OPTN: variants seen among roughly 807,000 people sequenced by gnomAD.
The protein encoded by OPTN is optineurin.
Under a neutral mutation model 70.4 loss-of-function variants are expected in OPTN, and 54 were observed. That is an observed-to-expected ratio of 0.77 (90% CI 0.62 to 0.96). The LOEUF is 0.96. OPTN is among the 40% of genes least tolerant of loss of function. OPTN has a pLI of 0.00. For missense variants in OPTN, 624 were observed against 673.2 expected (o/e 0.93, Z 0.81); for synonymous variants, 256 against 248.5 (o/e 1.03, Z -0.28).
At chr10:13,127,989 G>A (rs2131521171) in intron 12 of OPTN, 86 bp downstream of exon 12, 1 of 1,465,114 alleles carries the variant, frequency 6.8e-7, no homozygotes, top group Non-Finnish European at 9.5e-7. Context: ...TAGAATGTTT[G>A]TAATTTTCTA....
At chr10:13,114,755 TAATTGC>T (rs1197385704) in intron 5 of OPTN, among the ~76,000 whole-genome samples, 7 of 107,362 alleles carry the variant, frequency 6.5e-5, no homozygotes, top group African/African-American at 2.2e-4. Flanking sequence ...TACAATTATA[TAATTGC>T]ATATATAATT....
intron 12 of OPTN, among the ~76,000 whole-genome samples, chr10:13,130,030 C>T (rs748265650): frequency 6.6e-6 from 1 of 152,202 alleles, no homozygotes; most frequent in Non-Finnish European, 1.5e-5. Flanking sequence ...TTCCACTCTG[C>T]TGCAGTCATG....
intron 3 of OPTN, 115 bp downstream of exon 3, chr10:13,109,403 C>T (rs1832944475): frequency 9.4e-7 from 1 of 1,062,078 alleles, no homozygotes; most frequent in African/African-American, 1.6e-5. Flanking sequence ...TAGGTGGTAG[C>T]TGGTGGGGAA....
intron 1 of OPTN, among the ~76,000 whole-genome samples, chr10:13,103,160 A>AC (rs1005509117): frequency 6.6e-6 from 1 of 152,094 alleles, no homozygotes; most frequent in Non-Finnish European, 1.5e-5. Flanking sequence ...GGCTGCTTTT[A>AC]CCCCATTAGT....
In OPTN at chr10:13,109,190, G is replaced by T; in HGVS notation, c.68G>T (p.Gly23Val). The T allele has an allele frequency of 6.2e-7, 1 of 1,613,974 alleles. No homozygotes were observed. ...AGCCCCAGTGAAAGCACAGGAAATG[G>T]ACCCCCCCACCTGGCCCACCCAAAC... ...EDSPSESTGN[G>V]PPHLAHPNLD... Residue 23 changes from glycine (G) to valine (V), a missense_variant, in exon 3 of 15, where the codon GGA becomes GTA. By Grantham distance (109) the Gly-to-Val change is moderately radical. Coordinates refer to ENST00000378747, the MANE Select transcript of OPTN (RefSeq NM_001008212.2).
chr10:13,132,177 T>A lies in OPTN; in HGVS notation c.1512T>A (p.Asp504Glu). 4.3e-6 allele frequency: 7 copies of A among 1,613,134 alleles called. No homozygotes were observed. The highest frequency in any genetic ancestry group is 5.9e-6 in the Non-Finnish European group (7 of 1,179,304). The change falls in exon 13 of 15, where the codon GAT becomes GAA. Residue 504 changes from aspartate (D) to glutamate (E), a missense_variant. Physicochemically the swap from Asp to Glu is conservative, Grantham distance 45. Transcript: ENST00000378747. Reference sequence around the variant, plus strand: ...TGGCAGTTCTGCTGAAAGAGAATGATGCTTTCGAAGACGGAGGCAGGTAAG... The same window carrying A: ...TGGCAGTTCTGCTGAAAGAGAATGAAGCTTTCGAAGACGGAGGCAGGTAAG... The part of the protein sequence containing the change: ...LQLAVLLKEN[D>E]AFEDGGRQSL...
chr10:13,126,636 TG>T (rs1833472446), intron 11 of OPTN, among the ~76,000 whole-genome samples: 1 of 152,110 alleles, frequency 6.6e-6, no homozygotes, highest in Admixed American at 6.6e-5. Flanking sequence ...TGGGCTTCTA[TG>T]GGTAGGAAGG....
At chr10:13,108,996 G>A (rs1282964894) in intron 2 of OPTN, 116 bp from the exon 3 acceptor site, 2 of 917,240 alleles carry the variant, frequency 2.2e-6, no homozygotes, top group African/African-American at 1.6e-5. Context: ...TAACTGGAGA[G>A]AAAGTGGGCA....
At position 13,136,903 on chromosome 10, in the gene OPTN, T is replaced by C. The variant is rs1765875377; in HGVS notation, c.*37T>C. 3 of 1,613,476 alleles carry C rather than the reference T, an allele frequency of 1.9e-6. No individual in the cohort carries two copies. The highest frequency in any genetic ancestry group is 1.7e-5 in the Admixed American group (1 of 59,986). On this transcript the variant is annotated 3_prime_UTR_variant, in exon 15 of 15. Coordinates refer to ENST00000378747, the MANE Select transcript of OPTN (RefSeq NM_001008212.2). ...TCACCTCCCCAAAACTGTTGGTAAA[T>C]GTCAGATTTTTTCCTCCAAGAGTTG...
rs778424337 is a variant in OPTN at position 13,136,822 on chromosome 10, G to C, written c.1690G>C (p.Asp564His). The C allele has an allele frequency of 7.4e-6, 12 of 1,614,178 alleles. No homozygotes were observed. In the East Asian group the frequency reaches 1.6e-4, roughly 21 times the overall value. ...CCCCAAGTGTGGAGAGGTTCTGCCT[G>C]ACATAGACACGTTACAGATTCACGT... ...SCPKCGEVLP[D>H]IDTLQIHVMD... Residue 564 changes from aspartate to histidine, a missense_variant, in exon 15 of 15, where the codon GAC becomes CAC. Transcript: ENST00000378747.
rs182349537 is a variant in OPTN at position 13,117,964 on chromosome 10, T to C, written c.627-924T>C. Among the ~76,000 whole-genome samples the C allele has an allele frequency of 2.0e-3, 312 of 152,330 alleles. 1 individual carries two copies. The highest frequency in any genetic ancestry group is 7.2e-3 in the African/African-American group (299 of 41,580). On this transcript the variant is annotated intron_variant, in intron 6 of 14. Coordinates refer to ENST00000378747, the MANE Select transcript of OPTN (RefSeq NM_001008212.2). ...AACAATTCTTCACGTTTCCCCCAAA[T>C]TGCTTTTGTCATATTTAAAGACGTT... is the stretch of plus-strand genomic sequence containing the variant.
intron 1 of OPTN, among the ~76,000 whole-genome samples, chr10:13,101,277 A>G (rs542478850): frequency 6.6e-6 from 1 of 152,316 alleles, no homozygotes; most frequent in African/African-American, 2.4e-5. Flanking sequence ...CCACTGGGCC[A>G]ATTTTAGGCG....
chr10:13,104,406 G>A (rs1832817876), intron 1 of OPTN, among the ~76,000 whole-genome samples: 2 of 144,226 alleles, frequency 1.4e-5, no homozygotes, highest in Admixed American at 7.1e-5. Context: ...CTACAGGCAT[G>A]CACCACTACA....
intron 9 of OPTN, among the ~76,000 whole-genome samples, chr10:13,124,653 A>G (rs184857594): frequency 6.6e-6 from 1 of 152,354 alleles, no homozygotes; most frequent in African/African-American, 2.4e-5. Context: ...ACATGTTTCT[A>G]GCACAATACG....
At position 13,111,901 on chromosome 10, in the gene OPTN, A is replaced by G. The variant is rs111553236; in HGVS notation, c.370-552A>G. On this transcript the variant is annotated intron_variant, in intron 4 of 14. Transcript: ENST00000378747. The stretch of plus-strand genomic sequence containing the variant: ...CTTGCTCTGTTGCCCAGGCTGGAGT[A>G]CAGTGGCATAATCTCGGCTCACTGC... Among the ~76,000 whole-genome samples, 741 of 123,424 alleles carry G rather than the reference A, an allele frequency of 6.0e-3. 8 individuals are homozygous for G. The highest frequency in any genetic ancestry group is 0.018 in the African/African-American group (576 of 31,612). 81.0% of individuals were successfully genotyped at this position (123,424 alleles called of 152,430 possible). A position where few individuals can be genotyped will look rare whatever the true frequency, so the allele number is the denominator to read the frequency against.
At position 13,129,356 on chromosome 10, in the gene OPTN, C is replaced by CT. The variant is rs780049166; in HGVS notation, c.1401+1468dup. ...TGCTGTCTTATTATAAAGCATCAAA[C>CT]TTTTTTTTTTTTTTTGAGACAGAGT... On this transcript the variant is annotated intron_variant, in intron 12 of 14. Coordinates refer to ENST00000378747, the MANE Select transcript of OPTN (RefSeq NM_001008212.2). Among the ~76,000 whole-genome samples, 1,308 of 142,290 alleles carry CT rather than the reference C, an allele frequency of 9.2e-3. 8 individuals are homozygous for CT. The highest frequency in any genetic ancestry group is 0.022 in the African/African-American group (838 of 38,900). The allele number at this position is 142,290 out of a possible 152,430, so 93.3% of individuals were successfully genotyped here.
At position 13,125,418 on chromosome 10, in the gene OPTN, G is replaced by T. The variant is rs991717853; in HGVS notation, c.999G>T (p.Lys333Asn). The T allele has an allele frequency of 3.7e-6, 6 of 1,613,946 alleles. No homozygotes were observed. The African/African-American group carries it at 8.0e-5, about 22-fold the overall frequency. ...CTCATGAAATCTTGACCTTTCTTAG[G>T]TGTCAGGCCCTTGAAAGGAAAAATT... ...AELMKKRLQE[K>N]CQALERKNSA... Residue 333 changes from lysine (K) to asparagine (N), a missense_variant and splice_region_variant, in exon 10 of 15, where the codon AAG (lysine) becomes AAT (asparagine). Lys to Asn is a moderately conservative substitution (Grantham distance 94, BLOSUM62 0). Coordinates refer to ENST00000378747, the MANE Select transcript of OPTN (RefSeq NM_001008212.2).
intron 12 of OPTN, chr10:13,131,429 G>A (rs888691445): frequency 6.5e-6 from 1 of 153,484 alleles, no homozygotes; most frequent in African/African-American, 2.4e-5. Context: ...CATGGGACAT[G>A]GATTGAATAT....
chr10:13,106,388 C>G (rs955519067), intron 1 of OPTN, among the ~76,000 whole-genome samples: 1 of 152,202 alleles, frequency 6.6e-6, no homozygotes, highest in Non-Finnish European at 1.5e-5. Flanking sequence ...TTCTAGTCAC[C>G]TAATGCTAAG....
Sources: gnomAD v4.1 joint callset for allele counts (sites outside exome capture counted in the v4.1 genomes callset) on GRCh38, gnomAD v4.1.1 for gene constraint, MANE v1.5 for transcripts, NCBI Gene and HGNC (gene_info 2026-07-23, HGNC 2026-07-21) for gene names.